The following LAMA3 variants were observed in gnomAD, a reference collection of about 807,000 sequenced individuals.
LAMA3 encodes laminin subunit alpha-3.
LAMA3 carries 281 observed loss-of-function variants against 402.0 expected under a neutral mutation model. The ratio of observed to expected loss-of-function variants is 0.70; its 90% CI spans 0.63 to 0.77. The LOEUF (loss-of-function observed/expected upper bound fraction) is 0.77, where lower values mean the gene tolerates loss of function less well. Ranked by LOEUF, LAMA3 falls within the 30% of genes least tolerant of loss-of-function variation. The pLI is 0.00. For synonymous variants in LAMA3, 1,431 were observed against 1,558.4 expected (o/e 0.92, Z 1.93); for missense variants, 3,840 against 4,215.5 (o/e 0.91, Z 2.47).
chr18:23,693,033 C>CA (rs1205321154), intron 1 of LAMA3, among the ~76,000 whole-genome samples: 2 of 151,860 alleles, frequency 1.3e-5, no homozygotes, highest in Admixed American at 6.6e-5. Context: ...AAATAATATA[C>CA]AAAAAAAGCA....
At chr18:23,710,192 G>C (rs935703480) in intron 1 of LAMA3, 1 of 679,572 alleles carries the variant, frequency 1.5e-6, no homozygotes, top group African/African-American at 1.8e-5. Flanking sequence ...TGTGGCTGTG[G>C]ACACCTTTAA....
At position 23,933,785 on chromosome 18, in the gene LAMA3, A is replaced by T. The variant is rs2082233730; in HGVS notation, c.8712A>T (p.Leu2904Phe). 6.2e-7 allele frequency: 1 copy of T among 1,614,010 alleles called. No individual in the cohort carries two copies. The highest frequency in any genetic ancestry group is 1.7e-5 in the Admixed American group (1 of 60,006). Residue 2904 changes from leucine (L) to phenylalanine (F), a missense_variant, in exon 67 of 75, where the codon TTA becomes TTT. Leu to Phe is a conservative substitution (Grantham distance 22, BLOSUM62 0). Transcript: ENST00000313654. Reference sequence around the variant, plus strand: ...TTCATTTCTGCTCTTTTTCCAGGTTATCACTGAGTCCTGAAGTCCTAGATT... The same window carrying T: ...TTCATTTCTGCTCTTTTTCCAGGTTTTCACTGAGTCCTGAAGTCCTAGATT... ...GCISNVFVQR[L>F]SLSPEVLDLT...
intron 2 of LAMA3, among the ~76,000 whole-genome samples, chr18:23,736,828 A>C (rs574405718): frequency 1.2e-4 from 18 of 152,274 alleles, no homozygotes; most frequent in African/African-American, 3.6e-4. Context: ...GAAGGTGTGC[A>C]GGGGAAGACC....
chr18:23,867,428 A>T (rs1466219119), intron 36 of LAMA3, among the ~76,000 whole-genome samples: 1 of 151,944 alleles, frequency 6.6e-6, no homozygotes, highest in Non-Finnish European at 1.5e-5. Context: ...GAGCACCTGT[A>T]ATCCTAGCTA....
chr18:23,897,333 A>G (rs1227732438), intron 44 of LAMA3, among the ~76,000 whole-genome samples: 1 of 152,196 alleles, frequency 6.6e-6, no homozygotes. Context: ...ACTCTTTCCT[A>G]TCCTTTTGCA....
intron 8 of LAMA3, among the ~76,000 whole-genome samples, chr18:23,768,395 A>G (rs1215423623): frequency 1.3e-5 from 2 of 152,248 alleles, no homozygotes; most frequent in Non-Finnish European, 2.9e-5. Flanking sequence ...AAAATGCTCC[A>G]TATCACTAAT....
intron 1 of LAMA3, among the ~76,000 whole-genome samples, chr18:23,701,446 T>C (rs2060787833): frequency 6.6e-6 from 1 of 152,238 alleles, no homozygotes; most frequent in Admixed American, 6.5e-5. Flanking sequence ...TAGACTGTGC[T>C]TTCTAATAGC....
chr18:23,769,882 A>G (rs1598753958), intron 8 of LAMA3, among the ~76,000 whole-genome samples: 1 of 152,390 alleles, frequency 6.6e-6, no homozygotes, highest in Admixed American at 6.5e-5. Context: ...ACCTTTAAAT[A>G]TAAGGACAAG....
At chr18:23,884,674 A>G in intron 40 of LAMA3, 99 bp from the exon 41 acceptor site, 2 of 1,101,138 alleles carry the variant, frequency 1.8e-6, no homozygotes, top group Admixed American at 3.6e-5. Context: ...CCTGGGTTTC[A>G]GTGCTCACTT....
At chr18:23,785,489 T>C (rs2062526109) in intron 12 of LAMA3, among the ~76,000 whole-genome samples, 2 of 152,342 alleles carry the variant, frequency 1.3e-5, no homozygotes, top group Admixed American at 6.5e-5. Flanking sequence ...AAATAGTGCC[T>C]GTCTCATAAT....
At chr18:23,882,956 G>T (rs2064949994) in intron 40 of LAMA3, among the ~76,000 whole-genome samples, 1 of 152,202 alleles carries the variant, frequency 6.6e-6, no homozygotes, top group Non-Finnish European at 1.5e-5. Flanking sequence ...ACAGTGAGGG[G>T]GTGGCTGCTT....
intron 14 of LAMA3, 139 bp downstream of exon 14, chr18:23,813,242 C>T (rs1488966040): frequency 1.6e-6 from 1 of 631,880 alleles, no homozygotes; most frequent in Non-Finnish European, 2.8e-6. Context: ...TGTTGTTTTT[C>T]AAAGAGCATA....
At chr18:23,942,609 G>A (rs760417799) in intron 68 of LAMA3, among the ~76,000 whole-genome samples, 125 of 143,804 alleles carry the variant, frequency 8.7e-4, no homozygotes, top group Non-Finnish European at 1.4e-3. Flanking sequence ...AGACAGAGCC[G>A]CTGTGTCACC....
intron 37 of LAMA3, among the ~76,000 whole-genome samples, chr18:23,871,217 C>T (rs147597580): frequency 6.6e-6 from 1 of 152,272 alleles, no homozygotes; most frequent in South Asian, 2.1e-4. Context: ...TATTCCCTGC[C>T]TTCATTTTTT....
intron 1 of LAMA3, chr18:23,710,361 T>G (rs1249031878): frequency 1.6e-5 from 6 of 386,040 alleles, no homozygotes; most frequent in Non-Finnish European, 2.9e-5. Context: ...CCCACGAGGT[T>G]ATCTTCTCTC....
At chr18:23,728,727 T>C (rs2145987082) in intron 2 of LAMA3, among the ~76,000 whole-genome samples, 1 of 152,196 alleles carries the variant, frequency 6.6e-6, no homozygotes, top group South Asian at 2.1e-4. Context: ...CCAGTTGTCA[T>C]CTTTTAAAGA....
In LAMA3 at chr18:23,903,238, G is replaced by T. The variant is rs2081132748; in HGVS notation, c.6318+113G>T. ...TGTTTATTCAAAGTATAGTCTCTTAGATGGAAGAGAATATAATGAAATGTT... is the reference window on the plus strand; with the variant it reads ...TGTTTATTCAAAGTATAGTCTCTTATATGGAAGAGAATATAATGAAATGTT... On this transcript the variant is annotated intron_variant, in intron 49 of 74. Coordinates refer to ENST00000313654, the MANE Select transcript of LAMA3 (RefSeq NM_198129.4). 4 of 729,586 alleles carry T rather than the reference G, an allele frequency of 5.5e-6. No homozygotes were observed. The Admixed American group carries it at 6.3e-5, about 11-fold the overall frequency. 45.2% of individuals were successfully genotyped at this position (729,586 alleles called of 1,614,324 possible).
chr18:23,799,935 T>C (rs2062837984), intron 12 of LAMA3, among the ~76,000 whole-genome samples: 1 of 152,214 alleles, frequency 6.6e-6, no homozygotes, highest in Admixed American at 6.5e-5. Flanking sequence ...GTCTTAAGAC[T>C]TTTAGCTGAT....
intron 27 of LAMA3, among the ~76,000 whole-genome samples, chr18:23,841,366 G>A (rs917438152): frequency 3.3e-5 from 5 of 152,156 alleles, no homozygotes; most frequent in African/African-American, 1.2e-4. Flanking sequence ...GCTTGTACTC[G>A]AGCTTGAGCC....
Sources: gnomAD v4.1 joint callset for allele counts (sites outside exome capture counted in the v4.1 genomes callset) on GRCh38, gnomAD v4.1.1 for gene constraint, MANE v1.5 for transcripts, NCBI Gene and HGNC (gene_info 2026-07-23, HGNC 2026-07-21) for gene names.